Variants in SERPINE3 observed in about 807,000 individuals in gnomAD.
The protein encoded by SERPINE3 is serpin E3.
Under a neutral mutation model 41.7 loss-of-function variants are expected in SERPINE3, and 43 were observed. That is an observed-to-expected ratio of 1.03 (90% CI 0.81 to 1.33). The LOEUF is 1.33. Ranked by LOEUF, SERPINE3 falls within the 40% of genes most tolerant of loss-of-function variation. The probability of loss-of-function intolerance (pLI) is 0.00; values close to 1 mark genes in which losing one functional copy is unlikely to be tolerated. For missense variants in SERPINE3, 440 were observed against 491.7 expected (o/e 0.89, Z 0.99); for synonymous variants, 200 against 192.2 (o/e 1.04, Z -0.34).
At chr13:51,362,778 A>G (rs1271688291) in intron 9 of SERPINE3, 1 of 152,476 alleles carries the variant, frequency 6.6e-6, no homozygotes, top group African/African-American at 2.4e-5. Flanking sequence ...ACATCATTTT[A>G]TCTGAGAATC....
At chr13:51,344,222 TG>T in intron 3 of SERPINE3, 29 bp from the exon 4 acceptor site, 1 of 1,564,796 alleles carries the variant, frequency 6.4e-7, no homozygotes, top group Non-Finnish European at 8.8e-7. Flanking sequence ...CACTCACCAT[TG>T]TCAACTTATC....
intron 4 of SERPINE3, 129 bp downstream of exon 4, chr13:51,344,614 G>A: frequency 1.4e-6 from 1 of 719,676 alleles, no homozygotes; most frequent in Non-Finnish European, 2.4e-6. Flanking sequence ...GTCCTCTTAG[G>A]AGATCCTACC....
At position 51,340,262 on chromosome 13, in the gene SERPINE3, G is replaced by A. The variant is rs144432202; in HGVS notation, c.-96+519G>A. Among the ~76,000 whole-genome samples the A allele has an allele frequency of 2.4e-3, 360 of 152,256 alleles. 1 individual carries two copies. The highest frequency in any genetic ancestry group is 4.3e-3 in the Non-Finnish European group (292 of 67,998). On this transcript the variant is annotated intron_variant, in intron 1 of 9. Coordinates refer to ENST00000681248, the MANE Select transcript of SERPINE3 (RefSeq NM_001386375.1). ...TGCTGGCTGGATGTGTGGCATGGTC[G>A]TTGAAAACATTTTTTTACTTTGCCT...
rs534900582 is a variant in SERPINE3, at chr13:51,347,107, C to A, written c.573C>A (p.Thr191=). ...AAFAQLVLVS[T]MSFQGTWRKR... is the part of the protein sequence containing the mutation. Reference sequence around the variant, plus strand: ...TTGCTCAGCTTGTGCTTGTGAGCACCATGTCCTTCCAAGGCACTTGGCGAA... The same window carrying A: ...TTGCTCAGCTTGTGCTTGTGAGCACAATGTCCTTCCAAGGCACTTGGCGAA... The change falls in exon 5 of 10, where the codon ACC becomes ACA. Residue 191 remains threonine (T), a synonymous_variant. Transcript: ENST00000681248. The A allele has an allele frequency of 7.4e-6, 12 of 1,611,654 alleles. No individual in the cohort carries two copies. In the East Asian group the frequency reaches 1.8e-4, roughly 24 times the overall value.
rs60900524 is a variant in SERPINE3 at position 51,348,136 on chromosome 13, C to G, written c.701-77C>G. On this transcript the variant is annotated intron_variant, in intron 5 of 9. Coordinates refer to ENST00000681248, the MANE Select transcript of SERPINE3 (RefSeq NM_001386375.1). ...TATTGTTTCCAGTCCTCTGAGCCAG[C>G]CTCTCTCAGGGTCCGACACTGGTTC... is the stretch of plus-strand genomic sequence containing the variant. 1,016 of 1,130,464 alleles carry G rather than the reference C, an allele frequency of 9.0e-4. 11 individuals carry two copies. The African/African-American group carries it at 0.014, about 16-fold the overall frequency. The allele number at this position is 1,130,464 out of a possible 1,614,324, so 70.0% of individuals were successfully genotyped here.
chr13:51,364,279 C>T lies in SERPINE3; in HGVS notation c.1212C>T (p.Asp404=). ...FSIGRVSNPL[D] ...TTGGGAGAGTTTCAAATCCCCTAGA[C>T]TAAATGCATGTTCTCCACTTTCATC... Residue 404 remains aspartate, a synonymous_variant, in exon 10 of 10, where the codon GAC becomes GAT. Transcript: ENST00000681248. 6.8e-7 allele frequency: 1 copy of T among 1,469,374 alleles called. No individual in the cohort carries two copies. The highest frequency in any genetic ancestry group is 9.1e-7 in the Non-Finnish European group (1 of 1,094,066). The allele number at this position is 1,469,374 out of a possible 1,614,324, so 91.0% of individuals were successfully genotyped here.
intron 9 of SERPINE3, 40 bp downstream of exon 9, chr13:51,361,933 A>T: frequency 6.2e-7 from 1 of 1,611,980 alleles, no homozygotes. Flanking sequence ...ATAATTTATC[A>T]GTGTCTCTCT....
chr13:51,352,246 A>ATTC (rs1955411044), intron 6 of SERPINE3, among the ~76,000 whole-genome samples: 1 of 152,052 alleles, frequency 6.6e-6, no homozygotes, highest in Non-Finnish European at 1.5e-5. Flanking sequence ...TGAACTCAGA[A>ATTC]TATCTTTCCT....
Position 51,355,112 on chromosome 13 carries a change from T to C in SERPINE3, c.969T>C (p.Asp323=), listed in dbSNP as rs1191446998. Residue 323 remains aspartate, a synonymous_variant, in exon 7 of 10, where the codon GAT becomes GAC. Transcript: ENST00000681248. ...CTTGGGGAGTCACCGATCTTTTTGA[T>C]CCACTCAAAGCTAACTTGAAAGGAA... The part of the protein sequence containing the change: ...LNSWGVTDLF[D]PLKANLKGIS... 11 of 1,546,836 alleles carry C rather than the reference T, an allele frequency of 7.1e-6. No individual in the cohort carries two copies. Among genetic ancestry groups the C allele is most frequent in the South Asian group, 3.6e-5 (3 of 84,098 alleles).
At chr13:51,360,851 A>C (rs1052817607) in intron 7 of SERPINE3, among the ~76,000 whole-genome samples, 27 of 152,126 alleles carry the variant, frequency 1.8e-4, no homozygotes, top group African/African-American at 6.5e-4. Flanking sequence ...TGATCTCTGA[A>C]GCTTGGTGAA....
chr13:51,358,465 C>T (rs1043495302), intron 7 of SERPINE3, among the ~76,000 whole-genome samples: 11 of 152,138 alleles, frequency 7.2e-5, no homozygotes, highest in Non-Finnish European at 1.6e-4. Flanking sequence ...CTGAAACAAT[C>T]ATTTGGCTGA....
At position 51,344,338 on chromosome 13, in the gene SERPINE3, C is replaced by G; in HGVS notation, c.343C>G (p.Leu115Val). The part of the protein sequence containing the change: ...QGTEMELACS[L>V]FVQVGTPLSP... ...CACCGAGATGGAGCTGGCCTGCAGC[C>G]TTTTTGTGCAAGTGGGAACGCCACT... The change falls in exon 4 of 10, where the codon CTT becomes GTT. Residue 115 changes from leucine (L) to valine (V), a missense_variant. Physicochemically the swap from Leu to Val is conservative, Grantham distance 32. Transcript: ENST00000681248. 1 of 1,613,952 alleles carries G rather than the reference C, an allele frequency of 6.2e-7. No homozygotes were observed. Among genetic ancestry groups the G allele is most frequent in the Non-Finnish European group, 8.5e-7 (1 of 1,179,868 alleles).
At chr13:51,347,725 C>A (rs572067367) in intron 5 of SERPINE3, among the ~76,000 whole-genome samples, 2 of 152,182 alleles carry the variant, frequency 1.3e-5, no homozygotes, top group African/African-American at 2.4e-5. Flanking sequence ...AATTTCCTGA[C>A]GTCCTTCTCT....
intron 6 of SERPINE3, among the ~76,000 whole-genome samples, chr13:51,349,279 T>C (rs930469503): frequency 6.6e-6 from 1 of 152,074 alleles, no homozygotes; most frequent in Non-Finnish European, 1.5e-5. Flanking sequence ...ATCTATGCAC[T>C]AGAAGGAAAA....
chr13:51,360,117 C>T (rs1221389563), intron 7 of SERPINE3, among the ~76,000 whole-genome samples: 2 of 152,052 alleles, frequency 1.3e-5, no homozygotes, highest in Non-Finnish European at 2.9e-5. Flanking sequence ...TGGTTTTATT[C>T]TCTCATGGCA....
At chr13:51,359,542 C>A (rs1169971093) in intron 7 of SERPINE3, among the ~76,000 whole-genome samples, 4 of 152,082 alleles carry the variant, frequency 2.6e-5, no homozygotes, top group African/African-American at 9.7e-5. Context: ...TTTCAAAATA[C>A]TGAAATAGCC....
At chr13:51,363,273 A>C (rs1955618498) in intron 9 of SERPINE3, 3 of 151,934 alleles carry the variant, frequency 2.0e-5, no homozygotes, top group Non-Finnish European at 2.9e-5. Context: ...CAGAATGAAA[A>C]TATAAGGATA....
chr13:51,351,401 G>A (rs1027342173), intron 6 of SERPINE3, among the ~76,000 whole-genome samples: 3 of 152,096 alleles, frequency 2.0e-5, no homozygotes, highest in Non-Finnish European at 4.4e-5. Context: ...AATGACTAAT[G>A]AGGTAGAGCA....
rs1270695340 is a variant in SERPINE3 at position 51,348,426 on chromosome 13, C to T, written c.899+15C>T. 1 of 1,606,502 alleles carries T rather than the reference C, an allele frequency of 6.2e-7. No individual in the cohort carries two copies. The highest frequency in any genetic ancestry group is 8.5e-7 in the Non-Finnish European group (1 of 1,175,344). On this transcript the variant is annotated intron_variant, in intron 6 of 9. Coordinates refer to ENST00000681248, the MANE Select transcript of SERPINE3 (RefSeq NM_001386375.1). ...TTCCTGCCCAGGTGAGCAGCTGAGTCCCCCTCACAGGTGCTGTGCAGCCAG... is the reference window on the plus strand; with the variant it reads ...TTCCTGCCCAGGTGAGCAGCTGAGTTCCCCTCACAGGTGCTGTGCAGCCAG...
Sources: gnomAD v4.1 joint callset for allele counts (sites outside exome capture counted in the v4.1 genomes callset) on GRCh38, gnomAD v4.1.1 for gene constraint, MANE v1.5 for transcripts, NCBI Gene and HGNC (gene_info 2026-07-23, HGNC 2026-07-21) for gene names.